The following MEIKIN variants were observed in gnomAD, a reference collection of about 807,000 sequenced individuals.
The protein encoded by MEIKIN is meiosis-specific kinetochore protein.
chr5:131,917,964 A>G (rs941872577), intron 6 of MEIKIN, among the ~76,000 whole-genome samples: 4 of 152,178 alleles, frequency 2.6e-5, no homozygotes, highest in Non-Finnish European at 5.9e-5. Flanking sequence ...GTCCAGGCAT[A>G]GCCTATAACT....
At chr5:131,824,648 GAATA>G (rs1749579986) in intron 11 of MEIKIN, among the ~76,000 whole-genome samples, 2 of 152,138 alleles carry the variant, frequency 1.3e-5, no homozygotes, top group Non-Finnish European at 2.9e-5. Context: ...TTAAGAAGCA[GAATA>G]GATAGATAAA....
intron 11 of MEIKIN, among the ~76,000 whole-genome samples, chr5:131,843,877 G>C (rs1749962638): frequency 6.6e-6 from 1 of 152,070 alleles, no homozygotes; most frequent in African/African-American, 2.4e-5. Context: ...CCATTTCTCT[G>C]ATATCAATTT....
intron 3 of MEIKIN, among the ~76,000 whole-genome samples, chr5:131,943,750 C>T (rs1751913881): frequency 6.6e-6 from 1 of 151,816 alleles, no homozygotes; most frequent in South Asian, 2.1e-4. Flanking sequence ...TGGATAAAAG[C>T]CTTTTAAAAA....
chr5:131,853,360 A>T (rs1427244857), intron 10 of MEIKIN, among the ~76,000 whole-genome samples: 2 of 152,172 alleles, frequency 1.3e-5, no homozygotes, highest in Non-Finnish European at 2.9e-5. Context: ...CCACACTGCT[A>T]TGTAAGCCGC....
At chr5:131,917,206 T>A (rs1751427084) in intron 6 of MEIKIN, among the ~76,000 whole-genome samples, 1 of 152,144 alleles carries the variant, frequency 6.6e-6, no homozygotes, top group Non-Finnish European at 1.5e-5. Context: ...CTTACAACAA[T>A]CCTGTCAGGT....
At chr5:131,939,005 C>T (rs920515848) in intron 4 of MEIKIN, among the ~76,000 whole-genome samples, 1 of 152,204 alleles carries the variant, frequency 6.6e-6, no homozygotes, top group Non-Finnish European at 1.5e-5. Context: ...AAGAGGAATC[C>T]TCTAATCTTC....
At position 131,879,782 on chromosome 5, in the gene MEIKIN, C is replaced by A. The variant is rs555920750; in HGVS notation, c.704-734G>T. Among the ~76,000 whole-genome samples the A allele has an allele frequency of 7.9e-5, 12 of 152,348 alleles. No homozygotes were observed. In the South Asian group the frequency reaches 2.3e-3, roughly 29 times the overall value. ...ACAGGCTGGAACATTTCTAACCTGG[C>A]TCCTTTTTATGTCTCTTCTTCAGTC... On this transcript the variant is annotated intron_variant, in intron 8 of 12. Transcript: ENST00000442687.
chr5:131,869,817 G>T (rs1021803892), intron 9 of MEIKIN, among the ~76,000 whole-genome samples: 3 of 152,250 alleles, frequency 2.0e-5, no homozygotes, highest in Non-Finnish European at 2.9e-5. Context: ...CCCTGGCAAT[G>T]GTTCCCATGG....
At chr5:131,838,882 T>C (rs1749857175) in intron 11 of MEIKIN, among the ~76,000 whole-genome samples, 1 of 152,224 alleles carries the variant, frequency 6.6e-6, no homozygotes, top group Non-Finnish European at 1.5e-5. Flanking sequence ...GGTTGTTTCT[T>C]GTCTTCTGCT....
intron 11 of MEIKIN, among the ~76,000 whole-genome samples, chr5:131,838,425 A>G (rs1408366084): frequency 1.3e-5 from 2 of 152,068 alleles, no homozygotes; most frequent in Non-Finnish European, 2.9e-5. Context: ...TTAAATAGAA[A>G]TGGTATTAGA....
chr5:131,904,463 C>G (rs1180918128), intron 8 of MEIKIN, among the ~76,000 whole-genome samples: 2 of 152,162 alleles, frequency 1.3e-5, no homozygotes, highest in African/African-American at 4.8e-5. Context: ...ACCAACCACT[C>G]TCTCAGACCA....
intron 11 of MEIKIN, among the ~76,000 whole-genome samples, chr5:131,826,086 CT>C (rs35951729): frequency 0.64 from 80,036 of 124,944 alleles, 26,350 homozygotes; most frequent in Non-Finnish European, 0.75. Context: ...TTCTTGTTTT[CT>C]TTTTTTTTTT....
chr5:131,891,868 C>T (rs1041240974), intron 8 of MEIKIN, among the ~76,000 whole-genome samples: 1 of 152,086 alleles, frequency 6.6e-6, no homozygotes, highest in Admixed American at 6.5e-5. Flanking sequence ...TGTTCTTTTC[C>T]GTGTTCAGTG....
At chr5:131,873,215 C>A (rs576314267) in intron 9 of MEIKIN, among the ~76,000 whole-genome samples, 251 of 152,120 alleles carry the variant, frequency 1.7e-3, no homozygotes, top group South Asian at 3.7e-3. Flanking sequence ...AATTGGATAA[C>A]GAGTCAAGAC....
At chr5:131,925,356 G>A (rs1751570152) in intron 5 of MEIKIN, among the ~76,000 whole-genome samples, 1 of 152,156 alleles carries the variant, frequency 6.6e-6, no homozygotes. Context: ...CAAATTTGTA[G>A]ACTGCTTTGG....
At chr5:131,871,156 G>C (rs995444418) in intron 9 of MEIKIN, among the ~76,000 whole-genome samples, 1 of 152,204 alleles carries the variant, frequency 6.6e-6, no homozygotes, top group African/African-American at 2.4e-5. Flanking sequence ...GTGGGTGCCG[G>C]ACAGTGGGTG....
At chr5:131,860,602 G>A (rs1750267243) in intron 9 of MEIKIN, among the ~76,000 whole-genome samples, 1 of 97,272 alleles carries the variant, frequency 1.0e-5, no homozygotes, top group Non-Finnish European at 2.2e-5. Context: ...CCACCACCAT[G>A]CCAGGATAAT....
At chr5:131,889,582 A>G (rs949512450) in intron 8 of MEIKIN, among the ~76,000 whole-genome samples, 2 of 152,324 alleles carry the variant, frequency 1.3e-5, no homozygotes, top group African/African-American at 4.8e-5. Context: ...ACTTTGCTGA[A>G]GTTGCCTATC....
At chr5:131,825,487 C>T (rs1048733170) in intron 11 of MEIKIN, among the ~76,000 whole-genome samples, 1 of 152,128 alleles carries the variant, frequency 6.6e-6, no homozygotes, top group African/African-American at 2.4e-5. Flanking sequence ...ATGGTCAGCA[C>T]TTAATTCTCC....
Sources: gnomAD v4.1 joint callset for allele counts (sites outside exome capture counted in the v4.1 genomes callset) on GRCh38, gnomAD v4.1.1 for gene constraint, MANE v1.5 for transcripts, NCBI Gene and HGNC (gene_info 2026-07-23, HGNC 2026-07-21) for gene names.